The following DNAI7 variants were observed in gnomAD, a reference collection of about 807,000 sequenced individuals.
DNAI7 encodes the protein dynein axonemal intermediate chain 7.
Under a neutral mutation model 86.6 loss-of-function variants are expected in DNAI7, and 78 were observed. That is an observed-to-expected ratio of 0.90 (90% CI 0.75 to 1.09). The LOEUF (loss-of-function observed/expected upper bound fraction) is 1.09. DNAI7 is among the 50% of genes least tolerant of loss of function. The pLI, the probability that DNAI7 is intolerant of heterozygous loss-of-function variation, is 0.00. For missense variants in DNAI7, 753 were observed against 810.2 expected, an observed-to-expected ratio of 0.93 and a Z score of 0.86; for synonymous variants, 274 against 273.0, an observed-to-expected ratio of 1.00 and a Z score of -0.04.
chr12:25,116,103 TG>T, intron 12 of DNAI7, among the ~76,000 whole-genome samples: 3 of 150,824 alleles, frequency 2.0e-5, no homozygotes, highest in Admixed American at 6.6e-5. Flanking sequence ...TTTTTTTGGT[TG>T]GGGGGAGGGG....
chr12:25,165,516 T>G (rs372674020), intron 2 of DNAI7, among the ~76,000 whole-genome samples: 1 of 152,148 alleles, frequency 6.6e-6, no homozygotes, highest in Non-Finnish European at 1.5e-5. Flanking sequence ...CACTGAAAAT[T>G]GGACTGTTCA....
Position 25,144,357 on chromosome 12 carries a change from T to C in DNAI7, c.1002+8A>G. ...ATAAAAAAATGTGTATATTTAAATG[T>C]GTCCTACCATTTTCACTTCAATATC... On this transcript the variant is annotated splice_region_variant and intron_variant, in intron 9 of 15. Coordinates refer to ENST00000395987, the MANE Select transcript of DNAI7 (RefSeq NM_018272.5). 1 of 1,600,988 alleles carries C rather than the reference T, an allele frequency of 6.2e-7. No homozygotes were observed. The highest frequency in any genetic ancestry group is 8.5e-7 in the Non-Finnish European group (1 of 1,169,930).
At chr12:25,155,108 A>C (rs951542949) in intron 5 of DNAI7, among the ~76,000 whole-genome samples, 1 of 152,250 alleles carries the variant, frequency 6.6e-6, no homozygotes, top group Admixed American at 6.5e-5. Context: ...GTCAAAGAAT[A>C]TAAACATTTC....
At chr12:25,176,443 C>T (rs944409921) in intron 2 of DNAI7, among the ~76,000 whole-genome samples, 1 of 151,982 alleles carries the variant, frequency 6.6e-6, no homozygotes, top group African/African-American at 2.4e-5. Context: ...CTAAAATTTT[C>T]CTGGATGTAC....
chr12:25,187,154 G>A (rs374244233), intron 2 of DNAI7, among the ~76,000 whole-genome samples: 5 of 152,028 alleles, frequency 3.3e-5, no homozygotes, highest in African/African-American at 9.7e-5. Flanking sequence ...ACTACAAACC[G>A]GCTCCTGATT....
intron 13 of DNAI7, among the ~76,000 whole-genome samples, chr12:25,113,239 C>T (rs184056385): frequency 5.3e-4 from 81 of 152,182 alleles, no homozygotes; most frequent in South Asian, 2.7e-3. Flanking sequence ...AATAATTCTA[C>T]GGCACTCCAT....
intron 2 of DNAI7, among the ~76,000 whole-genome samples, chr12:25,167,345 C>T (rs562995270): frequency 5.6e-4 from 85 of 152,228 alleles, no homozygotes; most frequent in African/African-American, 1.7e-3. Context: ...AATTTGCCCC[C>T]GCCCAGGACT....
intron 13 of DNAI7, among the ~76,000 whole-genome samples, chr12:25,113,822 A>G (rs997323061): frequency 1.2e-4 from 19 of 152,038 alleles, no homozygotes; most frequent in South Asian, 8.3e-4. Context: ...CCCTCCCAAT[A>G]AGATTCCTCA....
intron 4 of DNAI7, among the ~76,000 whole-genome samples, chr12:25,157,321 G>C (rs201300797): frequency 7.0e-6 from 1 of 142,484 alleles, no homozygotes; most frequent in African/African-American, 2.6e-5. Context: ...TATCAAAGAA[G>C]AATATCCACA....
intron 12 of DNAI7, among the ~76,000 whole-genome samples, chr12:25,116,848 C>T (rs1396474397): frequency 2.0e-5 from 3 of 152,162 alleles, no homozygotes; most frequent in East Asian, 1.9e-4. Context: ...ATTAAAGTGA[C>T]ACCTCTGAAA....
chr12:25,153,716 C>T (rs1405171086), intron 6 of DNAI7, among the ~76,000 whole-genome samples: 1 of 152,178 alleles, frequency 6.6e-6, no homozygotes, highest in African/African-American at 2.4e-5. Context: ...GGCTTCAAGA[C>T]CTTCTTACTT....
chr12:25,110,298 A>G (rs1949711225), intron 14 of DNAI7, 58 bp from the exon 15 acceptor site: 3 of 956,530 alleles, frequency 3.1e-6, no homozygotes, highest in Non-Finnish European at 3.4e-6. Flanking sequence ...GTCTTCCTCC[A>G]TCTTTGGCCT....
intron 9 of DNAI7, among the ~76,000 whole-genome samples, chr12:25,130,292 C>A (rs1046543329): frequency 6.6e-6 from 1 of 151,386 alleles, no homozygotes; most frequent in African/African-American, 2.4e-5. Flanking sequence ...AATCCCAGCA[C>A]TTTGGGAGGC....
chr12:25,180,268 A>C (rs1949377428), intron 2 of DNAI7, among the ~76,000 whole-genome samples: 1 of 152,198 alleles, frequency 6.6e-6, no homozygotes, highest in Non-Finnish European at 1.5e-5. Flanking sequence ...ACTACAAAAC[A>C]CTGCTGAAAG....
intron 4 of DNAI7, among the ~76,000 whole-genome samples, chr12:25,155,789 T>G (rs1022839778): frequency 2.6e-5 from 4 of 151,740 alleles, no homozygotes; most frequent in Non-Finnish European, 5.9e-5. Context: ...GGGGGAGAGG[T>G]GAAGGGAAGG....
At chr12:25,124,679 T>G (rs1465787041) in intron 9 of DNAI7, among the ~76,000 whole-genome samples, 1 of 152,056 alleles carries the variant, frequency 6.6e-6, no homozygotes, top group Non-Finnish European at 1.5e-5. Context: ...ACAGGCAAAC[T>G]CAGGTCACAG....
chr12:25,183,819 T>C (rs145078377), intron 2 of DNAI7, among the ~76,000 whole-genome samples: 25 of 152,318 alleles, frequency 1.6e-4, no homozygotes, highest in Non-Finnish European at 3.5e-4. Context: ...ATATTCCATG[T>C]ATTTACTGAT....
chr12:25,149,162 T>G (rs562832396), intron 7 of DNAI7, among the ~76,000 whole-genome samples: 1 of 152,168 alleles, frequency 6.6e-6, no homozygotes, highest in Non-Finnish European at 1.5e-5. Context: ...TATATTAGGA[T>G]GAGGTCTCCT....
At chr12:25,154,163 GA>G (rs1305766506) in intron 6 of DNAI7, among the ~76,000 whole-genome samples, 155 bp downstream of exon 6, 3 of 151,884 alleles carry the variant, frequency 2.0e-5, no homozygotes, top group Admixed American at 6.6e-5. Context: ...TTGTAAAAAA[GA>G]AAAAAGAAAA....
Sources: allele counts gnomAD v4.1 joint callset (sites outside exome capture counted in the v4.1 genomes callset), GRCh38; gene constraint gnomAD v4.1.1; transcripts MANE v1.5; gene names NCBI Gene and HGNC (gene_info 2026-07-23, HGNC 2026-07-21).